Variants in GADL1 observed in about 807,000 individuals in gnomAD.
The protein encoded by GADL1 is GAD like acidic amino acid decarboxylase 1.
In GADL1, 71 loss-of-function variants were observed where a neutral mutation model predicts 69.5. The ratio of observed to expected loss-of-function variants is 1.02; its 90% CI spans 0.84 to 1.25. The LOEUF (loss-of-function observed/expected upper bound fraction) is 1.25, where lower values mean the gene tolerates loss of function less well. Ranked by LOEUF, GADL1 falls within the 50% of genes most tolerant of loss-of-function variation. The pLI is 0.00. For synonymous variants in GADL1, 254 were observed against 214.4 expected (o/e 1.18, Z -1.62); for missense variants, 737 against 631.8 (o/e 1.17, Z -1.79).
At chr3:30,818,548 A>G (rs915306434) in intron 11 of GADL1, among the ~76,000 whole-genome samples, 1 of 152,142 alleles carries the variant, frequency 6.6e-6, no homozygotes, top group African/African-American at 2.4e-5. Context: ...GTTATTGTGA[A>G]TTTCTCAAAT....
intron 12 of GADL1, among the ~76,000 whole-genome samples, chr3:30,791,321 T>A (rs986354185): frequency 2.0e-5 from 3 of 152,186 alleles, no homozygotes; most frequent in Non-Finnish European, 4.4e-5. Context: ...CATCCTGAAC[T>A]GAGCCTATGA....
intron 14 of GADL1, among the ~76,000 whole-genome samples, chr3:30,752,544 A>G (rs908283671): frequency 9.2e-5 from 14 of 152,114 alleles, no homozygotes; most frequent in Admixed American, 2.0e-4. Context: ...TCTTTAAATC[A>G]CCATAACCAC....
At chr3:30,869,559 A>G (rs1274221700) in intron 1 of GADL1, among the ~76,000 whole-genome samples, 2 of 151,890 alleles carry the variant, frequency 1.3e-5, no homozygotes, top group African/African-American at 4.8e-5. Flanking sequence ...ATCCACAAAC[A>G]TGAATTCAAA....
At chr3:30,773,466 A>T (rs961895344) in intron 14 of GADL1, among the ~76,000 whole-genome samples, 1 of 152,218 alleles carries the variant, frequency 6.6e-6, no homozygotes, top group African/African-American at 2.4e-5. Flanking sequence ...AATATAAAAG[A>T]AATCGCCTGC....
chr3:30,776,561 C>G (rs374728517), intron 14 of GADL1, among the ~76,000 whole-genome samples: 1 of 152,236 alleles, frequency 6.6e-6, no homozygotes, highest in African/African-American at 2.4e-5. Flanking sequence ...CACATCTTTG[C>G]TCCCTGAGAG....
At chr3:30,771,948 G>A (rs891171676) in intron 14 of GADL1, among the ~76,000 whole-genome samples, 1 of 152,188 alleles carries the variant, frequency 6.6e-6, no homozygotes, top group Admixed American at 6.5e-5. Flanking sequence ...AATAAATGGG[G>A]CAAGGAAAGA....
chr3:30,738,723 G>A (rs1251763746), intron 14 of GADL1, among the ~76,000 whole-genome samples: 1 of 152,090 alleles, frequency 6.6e-6, no homozygotes, highest in Non-Finnish European at 1.5e-5. Flanking sequence ...GCAGGCATAC[G>A]ATGCTTTAGT....
rs2125466381 is a variant in GADL1, at chr3:30,727,009, T to C, written c.*1233A>G. 6.6e-6 allele frequency: 1 copy of C among 152,362 alleles called. No homozygotes were observed. Among genetic ancestry groups the C allele is most frequent in the Admixed American group, 6.6e-5 (1 of 15,238 alleles). 9.4% of individuals were successfully genotyped at this position (152,362 alleles called of 1,614,324 possible). On this transcript the variant is annotated 3_prime_UTR_variant, in exon 15 of 15. Transcript: ENST00000282538. ...ACAACCCTGGACTTCATTGTGTTTA[T>C]TCCCTATGAGGCACAGAGCAAGATA... is the stretch of plus-strand genomic sequence containing the variant.
intron 14 of GADL1, among the ~76,000 whole-genome samples, chr3:30,744,781 A>T (rs536970344): frequency 1.6e-4 from 25 of 152,334 alleles, no homozygotes; most frequent in African/African-American, 6.0e-4. Context: ...TTCTGTGGCA[A>T]CCACTCAGGT....
rs931678908 is a variant in GADL1, at chr3:30,894,466, G to A, written c.37+112C>T. On this transcript the variant is annotated intron_variant, in intron 1 of 14. Coordinates refer to ENST00000282538, the MANE Select transcript of GADL1 (RefSeq NM_207359.3). ...AGATGGGGACTTTCTACCCACCCCAGCCGCTTTACAAAGAAATAACCAAAC... is the reference window on the plus strand; with the variant it reads ...AGATGGGGACTTTCTACCCACCCCAACCGCTTTACAAAGAAATAACCAAAC... The A allele has an allele frequency of 6.2e-6, 5 of 808,946 alleles. No individual in the cohort carries two copies. In the African/African-American group the frequency reaches 8.8e-5, roughly 14 times the overall value. The allele number at this position is 808,946 out of a possible 1,614,324, so 50.1% of individuals were successfully genotyped here. A position where few individuals can be genotyped will look rare whatever the true frequency, so the allele number is the denominator to read the frequency against.
chr3:30,816,217 C>A (rs1697467035), intron 11 of GADL1, among the ~76,000 whole-genome samples: 1 of 152,002 alleles, frequency 6.6e-6, no homozygotes, highest in Admixed American at 6.6e-5. Context: ...ACCCCTAATG[C>A]ATCCTGGAAA....
chr3:30,874,004 AG>A (rs2125542187), intron 1 of GADL1, among the ~76,000 whole-genome samples: 1 of 152,082 alleles, frequency 6.6e-6, no homozygotes, highest in African/African-American at 2.4e-5. Flanking sequence ...AACCTTTCCA[AG>A]GGGTACATTT....
intron 14 of GADL1, among the ~76,000 whole-genome samples, chr3:30,767,063 TAATGC>T (rs1326818198): frequency 4.8e-4 from 73 of 152,224 alleles, no homozygotes; most frequent in South Asian, 8.3e-4. Flanking sequence ...CACTTTGGTA[TAATGC>T]TTAAATACTG....
At chr3:30,762,479 T>C (rs910318846) in intron 14 of GADL1, among the ~76,000 whole-genome samples, 1 of 152,150 alleles carries the variant, frequency 6.6e-6, no homozygotes, top group Non-Finnish European at 1.5e-5. Flanking sequence ...TATAATAAAC[T>C]TTTAACTTTT....
At chr3:30,763,512 G>A (rs1338634660) in intron 14 of GADL1, among the ~76,000 whole-genome samples, 3 of 129,582 alleles carry the variant, frequency 2.3e-5, no homozygotes, top group East Asian at 2.3e-4. Context: ...GGCGGCGGGG[G>A]GTGGGGGTGG....
intron 14 of GADL1, among the ~76,000 whole-genome samples, chr3:30,764,203 G>A (rs1696212340): frequency 3.5e-5 from 5 of 142,828 alleles, no homozygotes; most frequent in African/African-American, 1.0e-4. Context: ...AGTAACTGAG[G>A]ACATGAAGAA....
Position 30,728,054 on chromosome 3 carries a change from C to T in GADL1, c.*188G>A. ...TTTTTAAACTTTCTTCTTTTAGCAA[C>T]AGTAATGCCCAGGCAGCTAGAGAGT... is the stretch of plus-strand genomic sequence containing the variant. On this transcript the variant is annotated 3_prime_UTR_variant, in exon 15 of 15. Coordinates refer to ENST00000282538, the MANE Select transcript of GADL1 (RefSeq NM_207359.3). 1 of 477,738 alleles carries T rather than the reference C, an allele frequency of 2.1e-6. No homozygotes were observed. Among genetic ancestry groups the T allele is most frequent in the Non-Finnish European group, 3.7e-6 (1 of 268,944 alleles). 29.6% of individuals were successfully genotyped at this position (477,738 alleles called of 1,614,324 possible).
At chr3:30,762,053 A>C (rs1457295674) in intron 14 of GADL1, among the ~76,000 whole-genome samples, 1 of 152,214 alleles carries the variant, frequency 6.6e-6, no homozygotes, top group Non-Finnish European at 1.5e-5. Context: ...AGAGGTCTGG[A>C]TGCAGGAGAC....
rs1323454051 is a variant in GADL1 at position 30,727,700 on chromosome 3, T to C, written c.*542A>G. The C allele has an allele frequency of 6.6e-6, 1 of 152,108 alleles. No homozygotes were observed. The highest frequency in any genetic ancestry group is 2.4e-5 in the African/African-American group (1 of 41,396). 9.4% of individuals were successfully genotyped at this position (152,108 alleles called of 1,614,324 possible). On this transcript the variant is annotated 3_prime_UTR_variant, in exon 15 of 15. Coordinates refer to ENST00000282538, the MANE Select transcript of GADL1 (RefSeq NM_207359.3). ...GAGTGGGTATTCGATCATTACAAGG[T>C]TTTTCTTAAACCAGTGTTTCTCGGA...
Sources: gnomAD v4.1 joint callset for allele counts (sites outside exome capture counted in the v4.1 genomes callset) on GRCh38, gnomAD v4.1.1 for gene constraint, MANE v1.5 for transcripts, NCBI Gene and HGNC (gene_info 2026-07-23, HGNC 2026-07-21) for gene names.